The following PTPRT variants were observed in gnomAD, a reference collection of about 807,000 sequenced individuals.
PTPRT encodes protein tyrosine phosphatase receptor type T, also known as receptor-type tyrosine-protein phosphatase T.
PTPRT carries 56 observed loss-of-function variants against 176.8 expected under a neutral mutation model. That is an observed-to-expected ratio of 0.32 (90% CI 0.26 to 0.40). The LOEUF (loss-of-function observed/expected upper bound fraction) is 0.40. Ranked by LOEUF, PTPRT falls within the 10% of genes least tolerant of loss-of-function variation. The pLI, the probability that PTPRT is intolerant of heterozygous loss-of-function variation, is 1.00. For missense variants in PTPRT, 1,540 were observed against 1,908.2 expected, an observed-to-expected ratio of 0.81 and a Z score of 3.60; for synonymous variants, 783 against 739.0, an observed-to-expected ratio of 1.06 and a Z score of -0.96.
the PTPRT span, among the ~76,000 whole-genome samples, chr20:42,050,409 G>A: frequency 6.6e-6 from 1 of 152,080 alleles, no homozygotes; most frequent in African/African-American, 2.4e-5. Context: ...CTTGCCCAAG[G>A]TCACACAGCT....
intron 1 of PTPRT, among the ~76,000 whole-genome samples, chr20:43,186,739 T>C (rs756614871): frequency 3.3e-5 from 5 of 152,242 alleles, no homozygotes; most frequent in Non-Finnish European, 7.3e-5. Flanking sequence ...ATTGTTCTTT[T>C]ATTAGGAAAC....
intron 2 of PTPRT, among the ~76,000 whole-genome samples, chr20:42,806,897 G>A (rs2077617765): frequency 6.6e-6 from 1 of 152,160 alleles, no homozygotes; most frequent in African/African-American, 2.4e-5. Flanking sequence ...TCACTGCCTG[G>A]TTCTCTGACA....
chr20:42,893,203 T>C (rs2079226158), intron 1 of PTPRT, among the ~76,000 whole-genome samples: 1 of 152,256 alleles, frequency 6.6e-6, no homozygotes, highest in South Asian at 2.1e-4. Context: ...GGCCAAAGGA[T>C]ATGAACAGAC....
At chr20:43,034,542 A>AT (rs1986294887) in intron 1 of PTPRT, among the ~76,000 whole-genome samples, 1 of 127,772 alleles carries the variant, frequency 7.8e-6, no homozygotes, top group East Asian at 2.2e-4. Context: ...GTCTTCACTA[A>AT]TTAAAAAAAA....
intron 2 of PTPRT, among the ~76,000 whole-genome samples, chr20:42,859,424 T>C (rs1163678812): frequency 2.6e-5 from 4 of 152,186 alleles, no homozygotes; most frequent in African/African-American, 9.6e-5. Flanking sequence ...CAACAGTGTA[T>C]GGCCACCTGG....
chr20:43,136,149 C>T (rs148813078), intron 1 of PTPRT, among the ~76,000 whole-genome samples: 130 of 152,292 alleles, frequency 8.5e-4, no homozygotes, highest in African/African-American at 3.0e-3. Context: ...AGCTGCAGCC[C>T]GGCTTTAGCA....
At chr20:42,844,266 T>A (rs2078329782) in intron 2 of PTPRT, among the ~76,000 whole-genome samples, 1 of 152,332 alleles carries the variant, frequency 6.6e-6, no homozygotes, top group African/African-American at 2.4e-5. Context: ...GTTTTTCAAA[T>A]CTTTTTGTGA....
intron 5 of PTPRT, among the ~76,000 whole-genome samples, chr20:42,758,835 T>C (rs1467440359): frequency 1.3e-5 from 2 of 152,166 alleles, no homozygotes; most frequent in African/African-American, 4.8e-5. Context: ...AAGTTTCCAT[T>C]CGCTTGCCCG....
chr20:42,601,255 A>G (rs1014599144), intron 7 of PTPRT, among the ~76,000 whole-genome samples: 12 of 152,166 alleles, frequency 7.9e-5, no homozygotes, highest in Admixed American at 1.3e-4. Flanking sequence ...TCTCTGCTGC[A>G]TCTCCAACAT....
At chr20:42,524,644 T>C (rs1402108328) in intron 7 of PTPRT, among the ~76,000 whole-genome samples, 3 of 152,320 alleles carry the variant, frequency 2.0e-5, no homozygotes, top group Non-Finnish European at 4.4e-5. Context: ...AACTGGCTTT[T>C]TGAAACTGAG....
At chr20:42,702,938 C>T (rs1233321428) in intron 6 of PTPRT, among the ~76,000 whole-genome samples, 1 of 152,202 alleles carries the variant, frequency 6.6e-6, no homozygotes, top group African/African-American at 2.4e-5. Context: ...GCAAATTTCT[C>T]TTAAAGACCC....
At position 42,100,727 on chromosome 20, in the gene PTPRT, C is replaced by T. The variant is rs570766492; in HGVS notation, c.3714+1397G>A. 2.6e-5 allele frequency among the ~76,000 whole-genome samples: 4 copies of T among 152,336 alleles called. No individual in the cohort carries two copies. The East Asian group carries it at 7.7e-4, about 29-fold the overall frequency. On this transcript the variant is annotated intron_variant, in intron 26 of 30. Coordinates refer to ENST00000373187, the MANE Select transcript of PTPRT (RefSeq NM_007050.6). ...TCATCACACTCACACACATAATGCA[C>T]ACCTACATGCACACATACACATACA...
chr20:42,085,523 T>A (rs1028101854), intron 28 of PTPRT, among the ~76,000 whole-genome samples: 1 of 152,158 alleles, frequency 6.6e-6, no homozygotes, highest in African/African-American at 2.4e-5. Context: ...AGATGGCAGG[T>A]TGGATGTCGC....
At chr20:43,067,565 T>G (rs1357234704) in intron 1 of PTPRT, among the ~76,000 whole-genome samples, 1 of 151,900 alleles carries the variant, frequency 6.6e-6, no homozygotes, top group Non-Finnish European at 1.5e-5. Flanking sequence ...AGCAGAGGAG[T>G]GATATGATCT....
chr20:42,706,115 A>ATGTC (rs551740734), intron 6 of PTPRT, among the ~76,000 whole-genome samples: 79 of 149,604 alleles, frequency 5.3e-4, no homozygotes, highest in African/African-American at 1.9e-3. Flanking sequence ...CAGGTCATGT[A>ATGTC]TGTCTGTCTG....
intron 13 of PTPRT, among the ~76,000 whole-genome samples, chr20:42,250,234 T>C (rs1231779280): frequency 1.3e-5 from 2 of 152,364 alleles, no homozygotes; most frequent in South Asian, 4.1e-4. Flanking sequence ...TTTATCTTAG[T>C]TTTCCCATGT....
At chr20:42,948,585 G>C (rs1416132100) in intron 1 of PTPRT, among the ~76,000 whole-genome samples, 1 of 152,054 alleles carries the variant, frequency 6.6e-6, no homozygotes, top group African/African-American at 2.4e-5. Context: ...CCTAAGGAAA[G>C]AGTGCATCCA....
At chr20:42,573,415 A>T (rs2073194020) in intron 7 of PTPRT, among the ~76,000 whole-genome samples, 2 of 152,166 alleles carry the variant, frequency 1.3e-5, no homozygotes, top group Non-Finnish European at 2.9e-5. Flanking sequence ...GGAAGGACAC[A>T]AGCTGTTGAG....
chr20:43,100,654 G>A (rs2012359803), intron 1 of PTPRT, among the ~76,000 whole-genome samples: 1 of 152,180 alleles, frequency 6.6e-6, no homozygotes, highest in South Asian at 2.1e-4. Context: ...TAGAGGTCAG[G>A]GACATAAACG....
Sources: allele counts gnomAD v4.1 joint callset (sites outside exome capture counted in the v4.1 genomes callset), GRCh38; gene constraint gnomAD v4.1.1; transcripts MANE v1.5; gene names NCBI Gene and HGNC (gene_info 2026-07-23, HGNC 2026-07-21).